Variants in RPA1 observed in about 807,000 individuals in gnomAD.
The protein encoded by RPA1 is replication protein A 70 kDa DNA-binding subunit.
Under a neutral mutation model 83.0 loss-of-function variants are expected in RPA1, and 49 were observed. That is an observed-to-expected ratio of 0.59 (90% CI 0.47 to 0.75). The LOEUF (loss-of-function observed/expected upper bound fraction) is 0.75. RPA1 is among the 30% of genes least tolerant of loss of function. The pLI is 0.00. For missense variants in RPA1, 693 were observed against 776.1 expected, an observed-to-expected ratio of 0.89 and a Z score of 1.27; for synonymous variants, 279 against 281.8, an observed-to-expected ratio of 0.99 and a Z score of 0.10.
At chr17:1,874,679 C>G (rs1282152026) in intron 6 of RPA1, among the ~76,000 whole-genome samples, 1 of 152,130 alleles carries the variant, frequency 6.6e-6, no homozygotes, top group Non-Finnish European at 1.5e-5. Context: ...CTACAAAGTA[C>G]CTGTGTGTCC....
chr17:1,841,227 A>G (rs1448044648), intron 1 of RPA1, among the ~76,000 whole-genome samples: 2 of 152,188 alleles, frequency 1.3e-5, no homozygotes, highest in East Asian at 1.9e-4. Context: ...ACTAGTTTTT[A>G]TAGATACCTT....
At chr17:1,831,218 G>A (rs1206572327) in intron 1 of RPA1, among the ~76,000 whole-genome samples, 2 of 152,144 alleles carry the variant, frequency 1.3e-5, no homozygotes, top group Admixed American at 6.6e-5. Context: ...GTATCCCAAA[G>A]CAAATTCTTT....
chr17:1,850,305 G>A (rs550403498), intron 4 of RPA1, among the ~76,000 whole-genome samples: 24 of 151,936 alleles, frequency 1.6e-4, no homozygotes, highest in Admixed American at 1.1e-3. Context: ...GCCAATGCAG[G>A]TGGATCACCT....
intron 5 of RPA1, among the ~76,000 whole-genome samples, chr17:1,863,767 GTTGT>G (rs1913075920): frequency 6.6e-6 from 1 of 152,182 alleles, no homozygotes; most frequent in Non-Finnish European, 1.5e-5. Context: ...TTTTCAAATG[GTTGT>G]TATGTTTTCA....
rs768106461 is a variant in RPA1, at chr17:1,880,709, A to G, written c.1241+18A>G. ...CGTGGATGGTAGGTTTTGTGGGGCT[A>G]AACAAAGGGTTACTTGAGGCTGGGC... is the stretch of plus-strand genomic sequence containing the variant. On this transcript the variant is annotated intron_variant, in intron 12 of 16. Coordinates refer to ENST00000254719, the MANE Select transcript of RPA1 (RefSeq NM_002945.5). The G allele has an allele frequency of 8.7e-6, 14 of 1,611,560 alleles. No individual in the cohort carries two copies. The highest frequency in any genetic ancestry group is 1.0e-5 in the Non-Finnish European group (12 of 1,179,136).
intron 1 of RPA1, among the ~76,000 whole-genome samples, chr17:1,840,629 C>T (rs537121015): frequency 2.0e-4 from 30 of 152,236 alleles, no homozygotes; most frequent in East Asian, 7.7e-4. Flanking sequence ...CGACTGGTCT[C>T]GAACTCCTGA....
At chr17:1,842,970 C>A in intron 2 of RPA1, 117 bp downstream of exon 2, 2 of 988,828 alleles carry the variant, frequency 2.0e-6, no homozygotes, top group Non-Finnish European at 1.6e-6. Context: ...CCCCCAGTCA[C>A]AAAAAATAGG....
chr17:1,856,299 TAA>T (rs545534102), intron 5 of RPA1, among the ~76,000 whole-genome samples: 175 of 124,826 alleles, frequency 1.4e-3, no homozygotes, highest in African/African-American at 4.7e-3. Flanking sequence ...TGAGACCCCA[TAA>T]AAAAAAAAAA....
At position 1,840,496 on chromosome 17, in the gene RPA1, C is replaced by T. The variant is rs779567666; in HGVS notation, c.34-2307C>T. Among the ~76,000 whole-genome samples, 10 of 152,140 alleles carry T rather than the reference C, an allele frequency of 6.6e-5. No homozygotes were observed. The South Asian group carries it at 1.5e-3, about 22-fold the overall frequency. On this transcript the variant is annotated intron_variant, in intron 1 of 16. Coordinates refer to ENST00000254719, the MANE Select transcript of RPA1 (RefSeq NM_002945.5). ...AGAGACAGGGTTTCACCGTGTTAGCCGGGATGGTCTCAATCTCCTGACCTC... is the reference window on the plus strand; with the variant it reads ...AGAGACAGGGTTTCACCGTGTTAGCTGGGATGGTCTCAATCTCCTGACCTC...
At chr17:1,890,596 G>A (rs1176924966) in intron 14 of RPA1, among the ~76,000 whole-genome samples, 1 of 149,646 alleles carries the variant, frequency 6.7e-6, no homozygotes, top group Non-Finnish European at 1.5e-5. Flanking sequence ...CCGGGAGGTG[G>A]AGTTTGCAGT....
chr17:1,859,338 T>C (rs968439826), intron 5 of RPA1, among the ~76,000 whole-genome samples: 2 of 152,192 alleles, frequency 1.3e-5, no homozygotes, highest in Non-Finnish European at 2.9e-5. Context: ...TGTTATTCAG[T>C]TTTTCTATAT....
chr17:1,843,903 C>G lies in RPA1; in HGVS notation c.85-17C>G. The G allele has an allele frequency of 6.2e-7, 1 of 1,611,248 alleles. No homozygotes were observed. Among genetic ancestry groups the G allele is most frequent in the Non-Finnish European group, 8.5e-7 (1 of 1,178,340 alleles). On this transcript the variant is annotated splice_polypyrimidine_tract_variant and intron_variant, in intron 2 of 16. Transcript: ENST00000254719. ...GGGGCAGACAACCTGGCTAATGAAT[C>G]AAGTTTTCTGTCCTAGAACATCCGT...
chr17:1,895,133 A>G, intron 16 of RPA1, 38 bp downstream of exon 16: 1 of 1,550,552 alleles, frequency 6.4e-7, no homozygotes, highest in Non-Finnish European at 8.9e-7. Context: ...GGTGGTGGGG[A>G]GGTGCTGTTT....
At chr17:1,856,993 C>T (rs1247324557) in intron 5 of RPA1, among the ~76,000 whole-genome samples, 20 of 151,796 alleles carry the variant, frequency 1.3e-4, no homozygotes, top group Non-Finnish European at 1.5e-5. Flanking sequence ...CTACTTACTT[C>T]GGGTTTTGTA....
chr17:1,830,054 G>A lies in RPA1; in HGVS notation c.-40G>A, dbSNP rs1869724827. ...GCGGGACCCGGGTGGGGAAGCTGGA[G>A]CTGTTGCGGGGTCCGCGGGGAAGTC... On this transcript the variant is annotated 5_prime_UTR_variant, in exon 1 of 17. Coordinates refer to ENST00000254719, the MANE Select transcript of RPA1 (RefSeq NM_002945.5). 2 of 1,248,698 alleles carry A rather than the reference G, an allele frequency of 1.6e-6. No individual in the cohort carries two copies. Among genetic ancestry groups the A allele is most frequent in the Non-Finnish European group, 1.0e-6 (1 of 987,760 alleles). The allele number at this position is 1,248,698 out of a possible 1,614,324, so 77.4% of individuals were successfully genotyped here.
At chr17:1,856,373 C>T (rs935319787) in intron 5 of RPA1, among the ~76,000 whole-genome samples, 1 of 150,484 alleles carries the variant, frequency 6.6e-6, no homozygotes, top group Admixed American at 6.6e-5. Context: ...CTGAGGCGGG[C>T]GGATCACGAG....
chr17:1,869,291 C>G (rs947088955), intron 5 of RPA1, among the ~76,000 whole-genome samples: 1 of 151,034 alleles, frequency 6.6e-6, no homozygotes, highest in Non-Finnish European at 1.5e-5. Flanking sequence ...AATCCCAGCA[C>G]TTTGGGAGAT....
At chr17:1,875,938 T>C (rs1301340503) in intron 7 of RPA1, 145 bp downstream of exon 7, 1 of 835,334 alleles carries the variant, frequency 1.2e-6, no homozygotes, top group Non-Finnish European at 1.7e-6. Context: ...TTTTTTTTTT[T>C]TTGCTGAGGA....
intron 1 of RPA1, among the ~76,000 whole-genome samples, chr17:1,838,704 T>C (rs1911919429): frequency 6.6e-6 from 1 of 152,230 alleles, no homozygotes; most frequent in African/African-American, 2.4e-5. Flanking sequence ...TCGCTTTGCC[T>C]TGTGGTCTGT....
Sources: gnomAD v4.1 joint callset for allele counts (sites outside exome capture counted in the v4.1 genomes callset) on GRCh38, gnomAD v4.1.1 for gene constraint, MANE v1.5 for transcripts, NCBI Gene and HGNC (gene_info 2026-07-23, HGNC 2026-07-21) for gene names.